The following SEC24A variants were observed in gnomAD, a reference collection of about 807,000 sequenced individuals.
SEC24A encodes protein transport protein Sec24A.
In SEC24A, 93 loss-of-function variants were observed where a neutral mutation model predicts 129.4. The ratio of observed to expected loss-of-function variants is 0.72; its 90% CI spans 0.61 to 0.85. The LOEUF (loss-of-function observed/expected upper bound fraction) is 0.85, where lower values mean the gene tolerates loss of function less well. Among genes scored for constraint, SEC24A ranks in the 40% least tolerant of loss-of-function variants. SEC24A has a pLI of 0.00. For synonymous variants in SEC24A, 460 were observed against 467.3 expected, an observed-to-expected ratio of 0.98 and a Z score of 0.20; for missense variants, 1,264 against 1,307.4, an observed-to-expected ratio of 0.97 and a Z score of 0.51.
At chr5:134,692,517 G>T in intron 11 of SEC24A, 85 bp from the exon 12 acceptor site, 2 of 681,960 alleles carry the variant, frequency 2.9e-6, no homozygotes, top group East Asian at 5.5e-5. Context: ...AAGGAAGGGG[G>T]TGGTTAATTG....
chr5:134,695,908 GCACTC>G (rs1283862155), intron 13 of SEC24A, among the ~76,000 whole-genome samples: 1 of 145,646 alleles, frequency 6.9e-6, no homozygotes, highest in Admixed American at 7.0e-5. Flanking sequence ...TCACGCCACT[GCACTC>G]CAGCCTGGGT....
intron 4 of SEC24A, 134 bp downstream of exon 4, chr5:134,672,020 T>C (rs1452530359): frequency 1.9e-5 from 10 of 527,844 alleles, no homozygotes; most frequent in Non-Finnish European, 2.7e-5. Flanking sequence ...TATTAACTTA[T>C]TTATTTATTT....
intron 18 of SEC24A, among the ~76,000 whole-genome samples, chr5:134,712,346 G>C (rs933791975): frequency 1.3e-5 from 2 of 151,826 alleles, no homozygotes; most frequent in Non-Finnish European, 2.9e-5. Flanking sequence ...CACCTCCCGG[G>C]TTCAAGTGAT....
At chr5:134,685,846 G>C (rs553318727) in intron 9 of SEC24A, among the ~76,000 whole-genome samples, 1 of 152,096 alleles carries the variant, frequency 6.6e-6, no homozygotes, top group South Asian at 2.1e-4. Context: ...AAAATTAGCC[G>C]GGCGTGGTGG....
rs1180461537 is a variant in SEC24A, at chr5:134,705,090, A to ATATATATATATATATTTTT, written c.2441-236_2441-235insATATATATATATATTTTTT. 4.1e-5 allele frequency among the ~76,000 whole-genome samples: 5 copies of ATATATATATATATATTTTT among 123,308 alleles called. No homozygotes were observed. In the East Asian group the frequency reaches 6.8e-4, roughly 17 times the overall value. The allele number at this position is 123,308 out of a possible 152,430, so 80.9% of individuals were successfully genotyped here. ...TATATTTATATATATATATATATAT[A>ATATATATATATATATTTTT]TTTTTTTTTTTTTAATTAATTTATT... On this transcript the variant is annotated intron_variant, in intron 16 of 22. Coordinates refer to ENST00000398844, the MANE Select transcript of SEC24A (RefSeq NM_021982.3).
intron 8 of SEC24A, among the ~76,000 whole-genome samples, chr5:134,680,415 C>T (rs1209973172): frequency 1.3e-5 from 2 of 152,160 alleles, no homozygotes; most frequent in Non-Finnish European, 2.9e-5. Flanking sequence ...TCACTGCAAC[C>T]TCCGCCTCCC....
chr5:134,666,073 C>T (rs957626328), intron 2 of SEC24A, among the ~76,000 whole-genome samples: 1 of 150,218 alleles, frequency 6.7e-6, no homozygotes, highest in Non-Finnish European at 1.5e-5. Flanking sequence ...ATCACTGGAG[C>T]ACCGGAATTC....
At position 134,675,059 on chromosome 5, in the gene SEC24A, T is replaced by C. The variant is rs775057889; in HGVS notation, c.993T>C (p.Ala331=). The C allele has an allele frequency of 1.2e-6, 2 of 1,602,498 alleles. No individual in the cohort carries two copies. Among genetic ancestry groups the C allele is most frequent in the Non-Finnish European group, 1.7e-6 (2 of 1,171,930 alleles). Residue 331 remains alanine, a synonymous_variant, in exon 6 of 23, where the codon GCT becomes GCC. Transcript: ENST00000398844. ...PQAFTQTPLG[A]NHLTTSMSGL... ...TGTATCTGTAGACTCCCTTAGGTGC[T>C]AATCATTTAACCACAAGCATGAGTG...
At chr5:134,722,662 C>T (rs551880719) in intron 21 of SEC24A, among the ~76,000 whole-genome samples, 46 of 152,190 alleles carry the variant, frequency 3.0e-4, no homozygotes, top group Non-Finnish European at 6.2e-4. Flanking sequence ...GCCTAAAGTA[C>T]TTACTATATG....
chr5:134,664,792 CTTTTTTTTTTTT>C (rs70976552), intron 2 of SEC24A, among the ~76,000 whole-genome samples: 4 of 86,190 alleles, frequency 4.6e-5, no homozygotes, highest in Admixed American at 1.9e-4. Context: ...TTTTCTTTTT[CTTTTTTTTTTTT>C]TTTTTTTTTT....
chr5:134,685,034 T>A (rs937643933), intron 9 of SEC24A, among the ~76,000 whole-genome samples: 1 of 152,156 alleles, frequency 6.6e-6, no homozygotes, highest in Non-Finnish European at 1.5e-5. Flanking sequence ...CATCCGTGGA[T>A]TCAACTACCC....
chr5:134,717,033 C>T (rs1005984885), intron 19 of SEC24A, among the ~76,000 whole-genome samples: 1 of 151,234 alleles, frequency 6.6e-6, no homozygotes, highest in African/African-American at 2.4e-5. Flanking sequence ...GCGTGCACCA[C>T]CACATCTTGC....
Position 134,676,058 on chromosome 5 carries a change from C to T in SEC24A, c.1187C>T (p.Thr396Met), listed in dbSNP as rs17851745. Residue 396 changes from threonine to methionine, a missense_variant, in exon 7 of 23, where the codon ACG becomes ATG. Physicochemically the swap from Thr to Met is moderately conservative, Grantham distance 81. Coordinates refer to ENST00000398844, the MANE Select transcript of SEC24A (RefSeq NM_021982.3). ...FRCTLTSIPQ[T>M]QALLNKAKLP... Reference sequence around the variant, plus strand: ...TGCACGCTGACTAGCATTCCTCAGACGCAGGCCTTATTGAATAAAGCCAAA... The same window carrying T: ...TGCACGCTGACTAGCATTCCTCAGATGCAGGCCTTATTGAATAAAGCCAAA... 1.3e-5 allele frequency: 21 copies of T among 1,613,134 alleles called. No homozygotes were observed. The highest frequency in any genetic ancestry group is 3.3e-5 in the Admixed American group (2 of 59,868).
intron 6 of SEC24A, 61 bp downstream of exon 6, chr5:134,675,278 C>T (rs1751021353): frequency 1.1e-5 from 14 of 1,275,086 alleles, no homozygotes; most frequent in Non-Finnish European, 1.6e-5. Context: ...TTGCAGGGGG[C>T]ACATCAGGTG....
intron 2 of SEC24A, among the ~76,000 whole-genome samples, chr5:134,662,436 GA>G (rs1176810669): frequency 1.3e-5 from 2 of 152,170 alleles, no homozygotes; most frequent in Non-Finnish European, 2.9e-5. Flanking sequence ...TTACAGGTGT[GA>G]GCCAATATTT....
rs1752732803 is a variant in SEC24A at position 134,725,281 on chromosome 5, A to G, written c.*187A>G. ...CAGAGAATCAAACATGCAACTCTGAAATACTGTATTTTTCAAATCAGAATA... is the reference window on the plus strand; with the variant it reads ...CAGAGAATCAAACATGCAACTCTGAGATACTGTATTTTTCAAATCAGAATA... On this transcript the variant is annotated 3_prime_UTR_variant, in exon 23 of 23. Transcript: ENST00000398844. The G allele has an allele frequency of 2.1e-6, 1 of 486,854 alleles. No individual in the cohort carries two copies. The highest frequency in any genetic ancestry group is 2.0e-5 in the African/African-American group (1 of 49,532). The allele number at this position is 486,854 out of a possible 1,614,324, so 30.2% of individuals were successfully genotyped here. A position where few individuals can be genotyped will look rare whatever the true frequency, so the allele number is the denominator to read the frequency against.
At position 134,718,110 on chromosome 5, in the gene SEC24A, C is replaced by G. The variant is rs377039031; in HGVS notation, c.2907C>G (p.Pro969=). ...GTGATAGAACCATACCTCAGCCCCC[C>G]ATTCTTCAGCTTTCAGTGGAGAAGC... The part of the protein sequence containing the change: ...NISDRTIPQP[P]ILQLSVEKLS... Residue 969 remains proline (P), a synonymous_variant, in exon 20 of 23, where the codon CCC becomes CCG. Coordinates refer to ENST00000398844, the MANE Select transcript of SEC24A (RefSeq NM_021982.3). 4.3e-6 allele frequency: 7 copies of G among 1,614,010 alleles called. No individual in the cohort carries two copies. In the Admixed American group the frequency reaches 1.2e-4, roughly 27 times the overall value.
chr5:134,714,300 C>T (rs1752416062), intron 18 of SEC24A, among the ~76,000 whole-genome samples: 1 of 152,142 alleles, frequency 6.6e-6, no homozygotes. Flanking sequence ...GCACTACCCC[C>T]CAGCCACATA....
In SEC24A at chr5:134,671,742, G is replaced by T. The variant is rs371466707; in HGVS notation, c.740-67G>T. The T allele has an allele frequency of 1.1e-3, 1,034 of 954,900 alleles. 13 individuals are homozygous for T. In the South Asian group the frequency reaches 0.016, roughly 14 times the overall value. 59.2% of individuals were successfully genotyped at this position (954,900 alleles called of 1,614,324 possible). ...AAATTATTTAAAATTTTGGATATTA[G>T]TTAAAATCATACAGAGATTGTAATA... On this transcript the variant is annotated intron_variant, in intron 3 of 22. Coordinates refer to ENST00000398844, the MANE Select transcript of SEC24A (RefSeq NM_021982.3).
Sources: gnomAD v4.1 joint callset for allele counts (sites outside exome capture counted in the v4.1 genomes callset) on GRCh38, gnomAD v4.1.1 for gene constraint, MANE v1.5 for transcripts, NCBI Gene and HGNC (gene_info 2026-07-23, HGNC 2026-07-21) for gene names.